The following SMAD4 variants were observed in gnomAD, a reference collection of about 807,000 sequenced individuals.
The protein encoded by SMAD4 is SMAD family member 4, also known as MAD homolog 4.
A neutral mutation model predicts 63.2 loss-of-function variants in SMAD4; 7 were observed. That is an observed-to-expected ratio of 0.11 (90% CI 0.06 to 0.21). SMAD4 has a LOEUF of 0.21. Ranked by LOEUF, SMAD4 falls within the 10% of genes least tolerant of loss-of-function variation. The probability of loss-of-function intolerance (pLI) is 1.00; values close to 1 mark genes in which losing one functional copy is unlikely to be tolerated. For synonymous variants in SMAD4, 215 were observed against 235.4 expected (o/e 0.91, Z 0.79); for missense variants, 312 against 693.8 (o/e 0.45, Z 6.18).
At chr18:51,032,370 G>C (rs1909076801) in intron 1 of SMAD4, among the ~76,000 whole-genome samples, 1 of 152,064 alleles carries the variant, frequency 6.6e-6, no homozygotes, top group African/African-American at 2.4e-5. Flanking sequence ...CTGCAAATCT[G>C]TTTTTCAGAC....
intron 1 of SMAD4, among the ~76,000 whole-genome samples, chr18:51,034,380 G>A (rs1909142340): frequency 6.6e-6 from 1 of 151,944 alleles, no homozygotes; most frequent in Non-Finnish European, 1.5e-5. Flanking sequence ...CCGAGTAGCT[G>A]AGATTACAGG....
intron 1 of SMAD4, among the ~76,000 whole-genome samples, chr18:51,041,998 T>G (rs1001300778): frequency 6.6e-6 from 1 of 152,188 alleles, no homozygotes. Context: ...TTATTACTTA[T>G]GTAATAATAT....
chr18:51,059,302 T>A (rs1430672822), intron 7 of SMAD4, among the ~76,000 whole-genome samples: 1 of 152,238 alleles, frequency 6.6e-6, no homozygotes, highest in African/African-American at 2.4e-5. Context: ...TTTAACAGGC[T>A]GTGTGACCAT....
intron 10 of SMAD4, among the ~76,000 whole-genome samples, chr18:51,072,145 A>G (rs1004006984): frequency 2.0e-5 from 3 of 152,220 alleles, no homozygotes; most frequent in Non-Finnish European, 4.4e-5. Context: ...AGATAACTCT[A>G]TGTAAACTTT....
In SMAD4 at chr18:51,030,406, C is replaced by T. The variant is rs1909000815; in HGVS notation, c.-345C>T. 6.6e-6 allele frequency: 1 copy of T among 151,750 alleles called. No homozygotes were observed. Among genetic ancestry groups the T allele is most frequent in the Admixed American group, 6.6e-5 (1 of 15,212 alleles). 9.4% of individuals were successfully genotyped at this position (151,750 alleles called of 1,614,324 possible). A position where few individuals can be genotyped will look rare whatever the true frequency, so the allele number is the denominator to read the frequency against. On this transcript the variant is annotated 5_prime_UTR_variant, in exon 1 of 12. Transcript: ENST00000342988. ...GAGCGGGTGAGGGGAGCCAGGCGCC[C>T]AGCGAGAGAGGCCCCCCGCCGCAGG...
At position 51,080,842 on chromosome 18, in the gene SMAD4, C is replaced by T. The variant is rs1910595481; in HGVS notation, c.*2375C>T. The T allele has an allele frequency of 1.1e-5, 2 of 178,870 alleles. No individual in the cohort carries two copies. Among genetic ancestry groups the T allele is most frequent in the South Asian group, 4.0e-4 (2 of 5,044 alleles). 11.1% of individuals were successfully genotyped at this position (178,870 alleles called of 1,614,324 possible). A position where few individuals can be genotyped will look rare whatever the true frequency, so the allele number is the denominator to read the frequency against. ...GGGCGTGAGCCACTGTCCCTGGCCTCATTGTTCCCTTTTCTACTTTAAGGA... is the reference window on the plus strand; with the variant it reads ...GGGCGTGAGCCACTGTCCCTGGCCTTATTGTTCCCTTTTCTACTTTAAGGA... On this transcript the variant is annotated 3_prime_UTR_variant, in exon 12 of 12. Coordinates refer to ENST00000342988, the MANE Select transcript of SMAD4 (RefSeq NM_005359.6).
intron 7 of SMAD4, 101 bp from the exon 8 acceptor site, chr18:51,059,765 C>G (rs1332054789): frequency 5.7e-6 from 5 of 877,184 alleles, no homozygotes; most frequent in Non-Finnish European, 9.5e-6. Context: ...TTAAACAATT[C>G]CTAACCTATA....
chr18:51,047,964 G>C, intron 2 of SMAD4, among the ~76,000 whole-genome samples: 1 of 152,036 alleles, frequency 6.6e-6, no homozygotes, highest in East Asian at 1.9e-4. Context: ...ATTACACTTA[G>C]TCCTTTTATA....
chr18:51,048,941 A>G, intron 3 of SMAD4, 81 bp downstream of exon 3: 1 of 1,294,706 alleles, frequency 7.7e-7, no homozygotes, highest in South Asian at 1.2e-5. Context: ...AAGTTAAATT[A>G]TAAATTTGGA....
chr18:51,067,884 A>G (rs1910207049), intron 10 of SMAD4, among the ~76,000 whole-genome samples: 1 of 152,230 alleles, frequency 6.6e-6, no homozygotes, highest in Non-Finnish European at 1.5e-5. Flanking sequence ...TCAAATTAAG[A>G]ACCTGATAAG....
chr18:51,066,179 CT>C (rs547505842), intron 9 of SMAD4, among the ~76,000 whole-genome samples: 21 of 151,908 alleles, frequency 1.4e-4, no homozygotes, highest in Non-Finnish European at 2.9e-4. Flanking sequence ...TGGTGAAACC[CT>C]GTCTCTACCA....
chr18:51,080,376 TGATTTA>T lies in SMAD4; in HGVS notation c.*1910_*1915del, dbSNP rs1214549520. 5.2e-5 allele frequency: 12 copies of T among 231,720 alleles called. No homozygotes were observed. Among genetic ancestry groups the T allele is most frequent in the Non-Finnish European group, 8.5e-5 (10 of 117,270 alleles). The allele number at this position is 231,720 out of a possible 1,614,324, so 14.4% of individuals were successfully genotyped here. A position where few individuals can be genotyped will look rare whatever the true frequency, so the allele number is the denominator to read the frequency against. The stretch of plus-strand genomic sequence containing the variant: ...CTAATTTTCTTCTGTAAAAGTTTGG[TGATTTA>T]AGTTTTATTGGCAGTTTTATAAAAA... On this transcript the variant is annotated 3_prime_UTR_variant, in exon 12 of 12. Coordinates refer to ENST00000342988, the MANE Select transcript of SMAD4 (RefSeq NM_005359.6).
chr18:51,058,485 AT>A lies in SMAD4; in HGVS notation c.904+45del, dbSNP rs386387676. ...AGCTCTTGTTTTTGTTGTAAGGGCTATTTTTTTTTTTTTTTTGGTAGGGCTT... is the reference window on the plus strand; with the variant it reads ...AGCTCTTGTTTTTGTTGTAAGGGCTATTTTTTTTTTTTTTTGGTAGGGCTT... On this transcript the variant is annotated intron_variant, in intron 7 of 11. Transcript: ENST00000342988. 0.099 allele frequency: 102,983 copies of A among 1,042,156 alleles called. 83 individuals are homozygous for A. Among genetic ancestry groups the A allele is most frequent in the South Asian group, 0.15 (9,470 of 63,996 alleles). 64.6% of individuals were successfully genotyped at this position (1,042,156 alleles called of 1,614,324 possible).
chr18:51,070,757 T>C lies in SMAD4; in HGVS notation c.1308+3570T>C, dbSNP rs149865924. 4.5e-4 allele frequency among the ~76,000 whole-genome samples: 68 copies of C among 152,294 alleles called. 1 individual carries two copies. In the East Asian group the frequency reaches 6.4e-3, roughly 14 times the overall value. On this transcript the variant is annotated intron_variant, in intron 10 of 11. Transcript: ENST00000342988. ...GCCAGCATATCCATGCTGTCTACATTACCCACCCATTAGTCACTGAGTAGC... is the reference window on the plus strand; with the variant it reads ...GCCAGCATATCCATGCTGTCTACATCACCCACCCATTAGTCACTGAGTAGC...
chr18:51,043,376 A>AGGT (rs1909446182), intron 1 of SMAD4, among the ~76,000 whole-genome samples: 1 of 152,194 alleles, frequency 6.6e-6, no homozygotes, highest in African/African-American at 2.4e-5. Flanking sequence ...TTGTCAGGGC[A>AGGT]GGTGTTTCCA....
chr18:51,039,180 A>G (rs964845005), intron 1 of SMAD4, among the ~76,000 whole-genome samples: 2 of 152,190 alleles, frequency 1.3e-5, no homozygotes, highest in African/African-American at 4.8e-5. Context: ...AACTATTTCT[A>G]TGCATTATCG....
intron 8 of SMAD4, among the ~76,000 whole-genome samples, chr18:51,061,088 TG>T (rs1308257310): frequency 2.6e-5 from 4 of 152,022 alleles, no homozygotes; most frequent in African/African-American, 4.8e-5. Context: ...TTGATCTTTG[TG>T]GGTACATAGG....
Position 51,048,851 on chromosome 18 carries a change from C to A in SMAD4, c.415C>A (p.Pro139Thr), listed in dbSNP as rs1474668300. The change falls in exon 3 of 12, where the codon CCT (proline) becomes ACT (threonine). Residue 139 changes from proline to threonine, a missense_variant. By Grantham distance (38) the Pro-to-Thr change is conservative. This residue lies in a region of SMAD4 where 14 missense variants were observed against 89.6 expected (regional missense o/e 0.16). Coordinates refer to ENST00000342988, the MANE Select transcript of SMAD4 (RefSeq NM_005359.6). ...NPYHYERVVS[P>T]GIDLSGLTLQ... is the part of the protein sequence containing the mutation. ...ATATCACTACGAACGAGTTGTATCA[C>A]CTGGAATTGGTAAGTAGACTTTGCT... The A allele has an allele frequency of 6.2e-7, 1 of 1,613,034 alleles. No individual in the cohort carries two copies. The highest frequency in any genetic ancestry group is 8.5e-7 in the Non-Finnish European group (1 of 1,179,384).
chr18:51,051,266 C>A (rs1018822199), intron 4 of SMAD4: 5 of 419,250 alleles, frequency 1.2e-5, no homozygotes, highest in African/African-American at 8.3e-5. Flanking sequence ...GATAGCCTTT[C>A]TATAGTGACT....
Sources: gnomAD v4.1 joint callset for allele counts (sites outside exome capture counted in the v4.1 genomes callset) on GRCh38, gnomAD v4.1.1 for gene constraint, gnomAD v4.1.1 regional missense constraint, MANE v1.5 for transcripts, NCBI Gene and HGNC (gene_info 2026-07-23, HGNC 2026-07-21) for gene names.